Variants in PREX1 observed in about 807,000 individuals in gnomAD.
PREX1 encodes phosphatidylinositol 3,4,5-trisphosphate-dependent Rac exchanger 1 protein.
A neutral mutation model predicts 198.3 loss-of-function variants in PREX1; 41 were observed. The ratio of observed to expected loss-of-function variants is 0.21; its 90% CI spans 0.16 to 0.27. PREX1 has a LOEUF of 0.27. PREX1 is among the 10% of genes least tolerant of loss of function. The pLI, the probability that PREX1 is intolerant of heterozygous loss-of-function variation, is 1.00. For synonymous variants in PREX1, 843 were observed against 887.2 expected (o/e 0.95, Z 0.89); for missense variants, 1,620 against 2,200.7 (o/e 0.74, Z 5.28).
chr20:48,690,898 C>A (rs1432145896), intron 9 of PREX1, 49 bp downstream of exon 9: 1 of 1,610,382 alleles, frequency 6.2e-7, no homozygotes, highest in South Asian at 1.1e-5. Context: ...CAGAAGAAGC[C>A]ACGCATAGCT....
Position 48,627,976 on chromosome 20 carries a change from A to T in PREX1, c.4767-13T>A. The T allele has an allele frequency of 4.2e-6, 5 of 1,192,570 alleles. No homozygotes were observed. The highest frequency in any genetic ancestry group is 4.7e-6 in the Non-Finnish European group (4 of 858,130). The allele number at this position is 1,192,570 out of a possible 1,614,324, so 73.9% of individuals were successfully genotyped here. On this transcript the variant is annotated splice_polypyrimidine_tract_variant and intron_variant, in intron 37 of 39. Transcript: ENST00000371941. ...GCTCAGGGTGCTCCTGCAGCAGGGGAGGGAGGACAGCGGGTTGGCGGTGGG... is the reference window on the plus strand; with the variant it reads ...GCTCAGGGTGCTCCTGCAGCAGGGGTGGGAGGACAGCGGGTTGGCGGTGGG...
chr20:48,876,811 A>G, the PREX1 span, among the ~76,000 whole-genome samples: 6 of 152,180 alleles, frequency 3.9e-5, no homozygotes, highest in African/African-American at 1.2e-4. Context: ...ATCTATTTCC[A>G]TCACTTAACC....
intron 6 of PREX1, 131 bp from the exon 7 acceptor site, chr20:48,701,017 A>G: frequency 8.1e-7 from 1 of 1,229,084 alleles, no homozygotes; most frequent in South Asian, 1.4e-5. Flanking sequence ...AATGGACAGA[A>G]AATCAACACA....
chr20:48,858,328 C>T, the PREX1 span, among the ~76,000 whole-genome samples: 10 of 152,220 alleles, frequency 6.6e-5, no homozygotes, highest in Non-Finnish European at 1.2e-4. Flanking sequence ...GCCCTGATTT[C>T]CCACAAACTC....
chr20:48,811,450 T>C (rs894032099), intron 1 of PREX1, among the ~76,000 whole-genome samples: 1 of 152,002 alleles, frequency 6.6e-6, no homozygotes, highest in Non-Finnish European at 1.5e-5. Context: ...TTTCATCACA[T>C]CTGTGGCCTC....
intron 3 of PREX1, among the ~76,000 whole-genome samples, chr20:48,744,732 GC>G (rs2090099901): frequency 1.3e-5 from 2 of 152,214 alleles, no homozygotes; most frequent in Non-Finnish European, 2.9e-5. Flanking sequence ...TGGCAGAGGG[GC>G]CCCGCCAGGC....
chr20:48,643,356 C>T (rs930903180), intron 27 of PREX1, among the ~76,000 whole-genome samples: 2 of 152,038 alleles, frequency 1.3e-5, no homozygotes, highest in Non-Finnish European at 2.9e-5. Context: ...GTAATCCCAG[C>T]TACTCAGGAG....
At chr20:48,657,615 T>A (rs73911613) in intron 17 of PREX1, among the ~76,000 whole-genome samples, 1 of 152,186 alleles carries the variant, frequency 6.6e-6, no homozygotes, top group African/African-American at 2.4e-5. Flanking sequence ...GCCATGGGTA[T>A]GTCGCTCCTT....
intron 1 of PREX1, among the ~76,000 whole-genome samples, chr20:48,817,705 C>T (rs1364696560): frequency 6.6e-6 from 1 of 152,184 alleles, no homozygotes; most frequent in African/African-American, 2.4e-5. Context: ...CAAAAGACAC[C>T]AGACCATCTT....
rs77869786 is a variant in PREX1, at chr20:48,789,835, T to C, written c.219+37807A>G. 6.7e-4 allele frequency among the ~76,000 whole-genome samples: 101 copies of C among 151,740 alleles called. 2 individuals are homozygous for C. In the South Asian group the frequency reaches 0.011, roughly 16 times the overall value. ...ACGGACAGATGAACAGACGGACGGA[T>C]GACAAATGGATGGACAGATGGATGG... On this transcript the variant is annotated intron_variant, in intron 1 of 39. Coordinates refer to ENST00000371941, the MANE Select transcript of PREX1 (RefSeq NM_020820.4).
At chr20:48,664,258 C>A (rs2089618385) in intron 15 of PREX1, among the ~76,000 whole-genome samples, 1 of 152,146 alleles carries the variant, frequency 6.6e-6, no homozygotes, top group South Asian at 2.1e-4. Flanking sequence ...GCCTGCGGTC[C>A]CAGCTACTCG....
At chr20:48,667,091 G>A (rs770748341) in intron 14 of PREX1, among the ~76,000 whole-genome samples, 12 of 152,084 alleles carry the variant, frequency 7.9e-5, no homozygotes, top group South Asian at 2.1e-4. Context: ...TCTTCCTCCC[G>A]CCTGGAACAA....
chr20:48,636,575 T>C lies in PREX1; in HGVS notation c.4055A>G (p.Asn1352Ser). Residue 1352 changes from asparagine to serine, a missense_variant, in exon 32 of 40, where the codon AAC becomes AGC. This residue lies in a region of PREX1 where 476 missense variants were observed against 603.4 expected (regional missense o/e 0.79). Coordinates refer to ENST00000371941, the MANE Select transcript of PREX1 (RefSeq NM_020820.4). ...LLAALGYRYN[N>S]NGEYEESSRD... ...GCTGCTCTCCTCGTACTCGCCATTGTTGTTGTAGCGGTAGCCCAGGGCCGC... is the reference window on the plus strand; with the variant it reads ...GCTGCTCTCCTCGTACTCGCCATTGCTGTTGTAGCGGTAGCCCAGGGCCGC... 6.2e-7 allele frequency: 1 copy of C among 1,612,078 alleles called. No individual in the cohort carries two copies. The highest frequency in any genetic ancestry group is 8.5e-7 in the Non-Finnish European group (1 of 1,179,682).
chr20:48,881,765 G>C, the PREX1 span, among the ~76,000 whole-genome samples: 1 of 152,184 alleles, frequency 6.6e-6, no homozygotes, highest in Non-Finnish European at 1.5e-5. Flanking sequence ...GATTACAGGC[G>C]TAAGCCACAG....
At chr20:48,733,974 A>G (rs2090046129) in intron 4 of PREX1, among the ~76,000 whole-genome samples, 1 of 152,064 alleles carries the variant, frequency 6.6e-6, no homozygotes, top group South Asian at 2.1e-4. Context: ...GCTAGTCTTG[A>G]ACTCCTGGTC....
chr20:48,805,452 A>AC lies in PREX1; in HGVS notation c.219+22189dup, dbSNP rs751466483. On this transcript the variant is annotated intron_variant, in intron 1 of 39. Coordinates refer to ENST00000371941, the MANE Select transcript of PREX1 (RefSeq NM_020820.4). ...GCTCTTCAGGAGCAGAAACAGAGAG[A>AC]CCCCCTCCACCCTACCTTCTGCGGC... 5.9e-5 allele frequency among the ~76,000 whole-genome samples: 9 copies of AC among 152,024 alleles called. No homozygotes were observed. The East Asian group carries it at 1.5e-3, about 26-fold the overall frequency.
chr20:48,723,388 G>A (rs2089994651), intron 5 of PREX1, among the ~76,000 whole-genome samples: 1 of 152,194 alleles, frequency 6.6e-6, no homozygotes, highest in African/African-American at 2.4e-5. Context: ...GGAGGTGGGG[G>A]GGACAGAATT....
At chr20:48,777,004 C>T (rs778043348) in intron 1 of PREX1, among the ~76,000 whole-genome samples, 1 of 152,190 alleles carries the variant, frequency 6.6e-6, no homozygotes, top group Admixed American at 6.5e-5. Context: ...CGAGGGGTTT[C>T]TCCCGCCCCT....
chr20:48,825,030 G>C (rs2090502562), intron 1 of PREX1, among the ~76,000 whole-genome samples: 1 of 152,228 alleles, frequency 6.6e-6, no homozygotes, highest in East Asian at 1.9e-4. Flanking sequence ...TAAAGGCTGA[G>C]AAGAGAGAGT....
Sources: allele counts gnomAD v4.1 joint callset (sites outside exome capture counted in the v4.1 genomes callset), GRCh38; gene constraint gnomAD v4.1.1; regional missense constraint gnomAD v4.1.1; transcripts MANE v1.5; gene names NCBI Gene and HGNC (gene_info 2026-07-23, HGNC 2026-07-21).